ZC3H12B: variants seen among roughly 807,000 people sequenced by gnomAD.
The protein encoded by ZC3H12B is probable ribonuclease ZC3H12B.
A neutral mutation model predicts 43.9 loss-of-function variants in ZC3H12B; 7 were observed. That is an observed-to-expected ratio of 0.16 (90% CI 0.09 to 0.30). The LOEUF (loss-of-function observed/expected upper bound fraction) is 0.30, where lower values mean the gene tolerates loss of function less well. Ranked by LOEUF, ZC3H12B falls within the 10% of genes least tolerant of loss-of-function variation. The pLI is 1.00. For synonymous variants in ZC3H12B, 222 were observed against 241.7 expected (o/e 0.92, Z 0.76); for missense variants, 475 against 670.2 (o/e 0.71, Z 3.22).
At chrX:65,314,409 A>G in the ZC3H12B span, among the ~76,000 whole-genome samples, 1 of 111,885 alleles carries the variant, frequency 8.9e-6, no homozygotes, top group African/African-American at 3.2e-5. Context: ...GCAGACCGAG[A>G]AAAATGACAC....
At chrX:65,093,564 A>T in the ZC3H12B span, among the ~76,000 whole-genome samples, 4 of 112,225 alleles carry the variant, frequency 3.6e-5, no homozygotes, top group Non-Finnish European at 7.5e-5. Flanking sequence ...GGTGTAAGAC[A>T]TGGATTCAAA....
the ZC3H12B span, among the ~76,000 whole-genome samples, chrX:65,171,856 A>G: frequency 9.0e-6 from 1 of 111,239 alleles, no homozygotes; most frequent in African/African-American, 3.3e-5. Context: ...GTGGGATATA[A>G]TCTCCTGGTG....
chrX:65,145,098 G>C, the ZC3H12B span, among the ~76,000 whole-genome samples: 1 of 111,424 alleles, frequency 9.0e-6, no homozygotes, highest in African/African-American at 3.3e-5. Flanking sequence ...TTATGTTGCT[G>C]TCTAATTTCT....
At chrX:65,329,983 G>T in the ZC3H12B span, among the ~76,000 whole-genome samples, 2 of 112,193 alleles carry the variant, frequency 1.8e-5, no homozygotes, top group African/African-American at 6.5e-5. Flanking sequence ...CAGGTAACAT[G>T]ATGCCTCCAG....
chrX:65,341,748 A>G, the ZC3H12B span, among the ~76,000 whole-genome samples: 1 of 110,659 alleles, frequency 9.0e-6, no homozygotes, highest in African/African-American at 3.3e-5. Flanking sequence ...ACCAGCCACT[A>G]CAAAAGCACA....
chrX:65,107,827 T>C, the ZC3H12B span, among the ~76,000 whole-genome samples: 1 of 111,364 alleles, frequency 9.0e-6, no homozygotes, highest in East Asian at 2.8e-4. Context: ...TGCGAAACTG[T>C]GAGTCAAACC....
chrX:65,203,102 A>G, the ZC3H12B span, among the ~76,000 whole-genome samples: 2 of 111,825 alleles, frequency 1.8e-5, no homozygotes, highest in African/African-American at 6.5e-5. Flanking sequence ...GCTTTTGTTG[A>G]AAGCTGCCAA....
At chrX:65,486,744 C>T (rs892953640), upstream of ZC3H12B, among the ~76,000 whole-genome samples, 2 of 112,319 alleles carry the variant, frequency 1.8e-5, no homozygotes, top group Non-Finnish European at 3.8e-5. Flanking sequence ...TGCATGTCTA[C>T]ATAAGCATGG....
intron 1 of ZC3H12B, among the ~76,000 whole-genome samples, chrX:65,367,439 A>T (rs2066187959): frequency 8.9e-6 from 1 of 111,798 alleles, no homozygotes; most frequent in Admixed American, 9.5e-5. Flanking sequence ...CGCACATCTA[A>T]TAGAGAGTTA....
intron 3 of ZC3H12B, among the ~76,000 whole-genome samples, chrX:65,467,781 C>A (rs1014759680): frequency 8.9e-6 from 1 of 112,136 alleles, no homozygotes. Context: ...ATCACTTGCC[C>A]ACTTTTTGAT....
the ZC3H12B span, among the ~76,000 whole-genome samples, chrX:65,123,868 C>T: frequency 3.7e-5 from 4 of 109,271 alleles, no homozygotes; most frequent in Admixed American, 2.0e-4. Context: ...TGAGTTCATT[C>T]ACCAGAGCTA....
At chrX:65,081,426 G>A in the ZC3H12B span, among the ~76,000 whole-genome samples, 1 of 111,180 alleles carries the variant, frequency 9.0e-6, no homozygotes, top group Non-Finnish European at 1.9e-5. Context: ...GTCTGAAAAT[G>A]AAGGGATGGA....
chrX:65,465,254 G>T (rs937787206), intron 3 of ZC3H12B, among the ~76,000 whole-genome samples: 2 of 111,038 alleles, frequency 1.8e-5, no homozygotes, highest in Non-Finnish European at 3.8e-5. Flanking sequence ...AGTTCTGTCT[G>T]GTTTTGCTTT....
chrX:65,176,281 G>A, the ZC3H12B span, among the ~76,000 whole-genome samples: 14 of 111,267 alleles, frequency 1.3e-4, no homozygotes, highest in Admixed American at 4.8e-4. Flanking sequence ...CAGGAAGATC[G>A]AACTGGGTGG....
chrX:65,155,210 G>A, the ZC3H12B span, among the ~76,000 whole-genome samples: 4 of 109,792 alleles, frequency 3.6e-5, no homozygotes, highest in Non-Finnish European at 5.7e-5. Flanking sequence ...TGCCCACCTT[G>A]GCCTCCCAAA....
At chrX:65,421,013 G>A (rs1193431971) in intron 3 of ZC3H12B, among the ~76,000 whole-genome samples, 1 of 112,018 alleles carries the variant, frequency 8.9e-6, no homozygotes, top group African/African-American at 3.2e-5. Flanking sequence ...CCTATCTTAG[G>A]GGTATATCAA....
At chrX:65,178,293 G>A in the ZC3H12B span, among the ~76,000 whole-genome samples, 79 of 111,914 alleles carry the variant, frequency 7.1e-4, no homozygotes, top group Admixed American at 7.2e-3. Context: ...AATGTAAGAC[G>A]TAAAACCATA....
chrX:65,124,591 T>C, the ZC3H12B span, among the ~76,000 whole-genome samples: 1 of 111,159 alleles, frequency 9.0e-6, no homozygotes. Flanking sequence ...TCTCATAGAA[T>C]TCAGCTCTGA....
At chrX:65,228,707 A>T in the ZC3H12B span, among the ~76,000 whole-genome samples, 10 of 112,217 alleles carry the variant, frequency 8.9e-5, no homozygotes, top group Admixed American at 9.5e-4. Context: ...AAATCAATGT[A>T]CAAAAATCAC....
Sources: allele counts gnomAD v4.1 joint callset (sites outside exome capture counted in the v4.1 genomes callset), GRCh38; gene constraint gnomAD v4.1.1; transcripts MANE v1.5; gene names NCBI Gene and HGNC (gene_info 2026-07-23, HGNC 2026-07-21).